The following SPECC1 variants were observed in gnomAD, a reference collection of about 807,000 sequenced individuals.
The protein encoded by SPECC1 is cytospin-B.
In SPECC1, 62 loss-of-function variants were observed where a neutral mutation model predicts 104.1. The ratio of observed to expected loss-of-function variants is 0.60; its 90% confidence interval spans 0.49 to 0.74. The LOEUF is 0.74. Ranked by LOEUF, SPECC1 falls within the 30% of genes least tolerant of loss-of-function variation. The pLI, the probability that SPECC1 is intolerant of heterozygous loss-of-function variation, is 0.00. For synonymous variants in SPECC1, 513 were observed against 501.6 expected (o/e 1.02, Z -0.30); for missense variants, 1,306 against 1,310.5 (o/e 1.00, Z 0.05).
intron 3 of SPECC1, among the ~76,000 whole-genome samples, chr17:20,145,383 A>G (rs1205674835): frequency 6.6e-6 from 1 of 152,212 alleles, no homozygotes; most frequent in Non-Finnish European, 1.5e-5. Context: ...TAGGTAACTC[A>G]GAGGGTGTTT....
chr17:20,159,951 G>A (rs949187256), intron 3 of SPECC1, among the ~76,000 whole-genome samples: 7 of 152,258 alleles, frequency 4.6e-5, no homozygotes, highest in South Asian at 2.1e-4. Flanking sequence ...AAGGGGTGCC[G>A]TTTTGCAATT....
chr17:20,151,880 C>T (rs1020638651), intron 3 of SPECC1, among the ~76,000 whole-genome samples: 29 of 152,056 alleles, frequency 1.9e-4, no homozygotes, highest in African/African-American at 6.5e-4. Flanking sequence ...GAAACCCTGT[C>T]TCTACTTAAA....
intron 3 of SPECC1, among the ~76,000 whole-genome samples, chr17:20,160,612 C>T (rs2033050182): frequency 6.6e-6 from 1 of 152,112 alleles, no homozygotes; most frequent in Admixed American, 6.5e-5. Flanking sequence ...CACCCATGTA[C>T]CAACCACCTA....
chr17:20,098,917 C>A (rs1189664327), intron 2 of SPECC1, among the ~76,000 whole-genome samples: 1 of 152,178 alleles, frequency 6.6e-6, no homozygotes, highest in Admixed American at 6.5e-5. Context: ...CACCTGCTAC[C>A]TGGTAGGCAC....
At chr17:20,304,708 C>T (rs1349888166) in intron 13 of SPECC1, among the ~76,000 whole-genome samples, 1 of 152,020 alleles carries the variant, frequency 6.6e-6, no homozygotes, top group Non-Finnish European at 1.5e-5. Flanking sequence ...ATCCAAAAAT[C>T]AGTGAGGTTC....
At chr17:20,115,072 G>A (rs1359279839) in intron 3 of SPECC1, among the ~76,000 whole-genome samples, 2 of 152,104 alleles carry the variant, frequency 1.3e-5, no homozygotes, top group African/African-American at 4.8e-5. Flanking sequence ...ATAACATGGT[G>A]TGTTTAGAAA....
rs191227928 is a variant in SPECC1, at chr17:20,293,350, C to T, written c.2941-3611C>T. Among the ~76,000 whole-genome samples, 257 of 152,282 alleles carry T rather than the reference C, an allele frequency of 1.7e-3. 1 individual carries two copies. The Middle Eastern group carries it at 0.017, about 10-fold the overall frequency. On this transcript the variant is annotated intron_variant, in intron 12 of 14. Transcript: ENST00000395527. Reference sequence around the variant, plus strand: ...ACACTTTGAGGAGAGTTCCATCAAACCTCCTTCTCTTATTCCATCTTAATG... The same window carrying T: ...ACACTTTGAGGAGAGTTCCATCAAATCTCCTTCTCTTATTCCATCTTAATG...
intron 3 of SPECC1, among the ~76,000 whole-genome samples, chr17:20,202,492 G>A (rs1296337826): frequency 6.6e-6 from 1 of 152,112 alleles, no homozygotes; most frequent in Non-Finnish European, 1.5e-5. Flanking sequence ...TTGAGGAATG[G>A]TTGCCTGTCG....
chr17:20,169,809 T>A (rs2033948007), intron 3 of SPECC1, among the ~76,000 whole-genome samples: 1 of 152,166 alleles, frequency 6.6e-6, no homozygotes, highest in Non-Finnish European at 1.5e-5. Context: ...GGCCAGACTT[T>A]TAAACATTTC....
chr17:20,078,731 G>T (rs564986397), intron 1 of SPECC1, among the ~76,000 whole-genome samples: 1 of 152,154 alleles, frequency 6.6e-6, no homozygotes, highest in South Asian at 2.1e-4. Context: ...GTTAAAAATT[G>T]TATGTTAAAA....
intron 14 of SPECC1, 30 bp downstream of exon 14, chr17:20,306,112 A>T (rs761515301): frequency 6.3e-7 from 1 of 1,594,798 alleles, no homozygotes; most frequent in African/African-American, 1.3e-5. Flanking sequence ...TCCTTGTGAT[A>T]CTTTAATTGT....
intron 9 of SPECC1, among the ~76,000 whole-genome samples, chr17:20,247,719 G>GT (rs536052186): frequency 2.0e-5 from 3 of 152,222 alleles, no homozygotes; most frequent in African/African-American, 4.8e-5. Flanking sequence ...TAGAAGTTAG[G>GT]TTTTTTTGGA....
At chr17:20,294,389 C>T (rs1170879564) in intron 12 of SPECC1, among the ~76,000 whole-genome samples, 1 of 152,172 alleles carries the variant, frequency 6.6e-6, no homozygotes, top group Non-Finnish European at 1.5e-5. Context: ...ATGCTCCCTG[C>T]TTGTTTGGTG....
At chr17:20,035,470 G>A (rs751144493) in intron 1 of SPECC1, among the ~76,000 whole-genome samples, 4 of 151,980 alleles carry the variant, frequency 2.6e-5, no homozygotes, top group Non-Finnish European at 5.9e-5. Flanking sequence ...TCAGCGTTTT[G>A]TAGTTTTCAG....
chr17:20,154,650 G>T (rs942391842), intron 3 of SPECC1, among the ~76,000 whole-genome samples: 1 of 152,162 alleles, frequency 6.6e-6, no homozygotes, highest in African/African-American at 2.4e-5. Context: ...GCAAGTGGGG[G>T]TGTGACATGA....
chr17:20,142,827 CAA>C (rs35579592), intron 3 of SPECC1, among the ~76,000 whole-genome samples: 2 of 142,340 alleles, frequency 1.4e-5, no homozygotes, highest in African/African-American at 2.6e-5. Flanking sequence ...CTATCTTTAC[CAA>C]AAAAAAAAAA....
chr17:20,191,908 T>C (rs2035698258), intron 3 of SPECC1, among the ~76,000 whole-genome samples: 1 of 152,108 alleles, frequency 6.6e-6, no homozygotes, highest in Non-Finnish European at 1.5e-5. Context: ...ATTCAGGTGT[T>C]TTTCCATTTT....
intron 1 of SPECC1, among the ~76,000 whole-genome samples, chr17:20,034,147 G>T (rs1214694559): frequency 1.3e-5 from 2 of 151,518 alleles, no homozygotes; most frequent in Non-Finnish European, 1.5e-5. Context: ...CCCAAGGCTG[G>T]AGTGCAGTGG....
intron 4 of SPECC1, among the ~76,000 whole-genome samples, chr17:20,212,600 C>T (rs2037225304): frequency 6.6e-6 from 1 of 152,164 alleles, no homozygotes; most frequent in African/African-American, 2.4e-5. Context: ...AATTACCTCC[C>T]ACTGGGGTCC....
Sources: gnomAD v4.1 joint callset for allele counts (sites outside exome capture counted in the v4.1 genomes callset) on GRCh38, gnomAD v4.1.1 for gene constraint, MANE v1.5 for transcripts, NCBI Gene and HGNC (gene_info 2026-07-23, HGNC 2026-07-21) for gene names.